The following RRAGC variants were observed in gnomAD, a reference collection of about 807,000 sequenced individuals.
RRAGC encodes ras-related GTP-binding protein C.
RRAGC carries 8 observed loss-of-function variants against 37.1 expected under a neutral mutation model. That is an observed-to-expected ratio of 0.22 (90% CI 0.13 to 0.39). The LOEUF is 0.39. Among genes scored for constraint, RRAGC ranks in the 10% least tolerant of loss-of-function variants. RRAGC has a pLI of 1.00. For missense variants in RRAGC, 342 were observed against 497.6 expected (o/e 0.69, Z 2.98); for synonymous variants, 190 against 181.1 (o/e 1.05, Z -0.39).
In RRAGC at chr1:38,838,539, G is replaced by C. The variant is rs1362922530; in HGVS notation, c.*1014C>G. On this transcript the variant is annotated 3_prime_UTR_variant, in exon 7 of 7. Transcript: ENST00000373001. ...ATTATGAATTCATATCCTAGGCAAAGAAAGTACCACAGTTGACACTTGGTG... is the reference window on the plus strand; with the variant it reads ...ATTATGAATTCATATCCTAGGCAAACAAAGTACCACAGTTGACACTTGGTG... 2 of 152,230 alleles carry C rather than the reference G, an allele frequency of 1.3e-5. No individual in the cohort carries two copies. The highest frequency in any genetic ancestry group is 2.1e-4 in the South Asian group (1 of 4,830). The allele number at this position is 152,230 out of a possible 1,614,324, so 9.4% of individuals were successfully genotyped here. A position where few individuals can be genotyped will look rare whatever the true frequency, so the allele number is the denominator to read the frequency against.
chr1:38,853,932 G>A (rs560673692), intron 3 of RRAGC, among the ~76,000 whole-genome samples: 167 of 152,126 alleles, frequency 1.1e-3, no homozygotes, highest in African/African-American at 3.4e-3. Context: ...AGAATGTCCC[G>A]CACCTTTGAG....
chr1:38,856,481 A>G (rs1360577110), intron 2 of RRAGC, among the ~76,000 whole-genome samples: 1 of 152,178 alleles, frequency 6.6e-6, no homozygotes, highest in East Asian at 1.9e-4. Context: ...AGCTAAACTC[A>G]ATTTTGACAA....
intron 6 of RRAGC, among the ~76,000 whole-genome samples, chr1:38,843,318 T>TAAAAAA (rs68183214): frequency 7.0e-6 from 1 of 143,792 alleles, no homozygotes. Flanking sequence ...TTCTGTCTCT[T>TAAAAAA]AAAAAAAAAA....
At position 38,845,849 on chromosome 1, in the gene RRAGC, A is replaced by G. The variant is rs553243699; in HGVS notation, c.1048+90T>C. The stretch of plus-strand genomic sequence containing the variant: ...TTTTTCTGATAGCTATTTGTCTAAC[A>G]CTGCAATTATTATTTTCACTTGTTT... On this transcript the variant is annotated intron_variant, in intron 6 of 6. Transcript: ENST00000373001. 2.7e-6 allele frequency: 3 copies of G among 1,101,494 alleles called. No homozygotes were observed. The East Asian group carries it at 7.6e-5, about 28-fold the overall frequency. The allele number at this position is 1,101,494 out of a possible 1,614,324, so 68.2% of individuals were successfully genotyped here. A position where few individuals can be genotyped will look rare whatever the true frequency, so the allele number is the denominator to read the frequency against.
At chr1:38,843,032 C>T (rs751009569) in intron 6 of RRAGC, among the ~76,000 whole-genome samples, 8 of 152,004 alleles carry the variant, frequency 5.3e-5, no homozygotes, top group Non-Finnish European at 1.0e-4. Context: ...GAGAAAAACA[C>T]ACAGAAGACT....
At chr1:38,850,148 G>A (rs1389196146) in intron 5 of RRAGC, among the ~76,000 whole-genome samples, 1 of 152,052 alleles carries the variant, frequency 6.6e-6, no homozygotes, top group Non-Finnish European at 1.5e-5. Context: ...GGAGATTGCA[G>A]TGAGCTGAGA....
intron 5 of RRAGC, chr1:38,847,461 C>CACACA (rs1476698365): frequency 6.6e-6 from 1 of 151,340 alleles, no homozygotes; most frequent in Admixed American, 6.6e-5. Flanking sequence ...CACACACACA[C>CACACA]AATTTTAAGG....
intron 3 of RRAGC, among the ~76,000 whole-genome samples, chr1:38,853,481 C>T (rs1397123068): frequency 6.6e-6 from 1 of 152,184 alleles, no homozygotes; most frequent in African/African-American, 2.4e-5. Context: ...CGCGATGGCT[C>T]ACGCCTGTAA....
At chr1:38,847,573 T>C (rs1049984473) in intron 5 of RRAGC, 6 of 152,024 alleles carry the variant, frequency 3.9e-5, no homozygotes, top group African/African-American at 1.2e-4. Flanking sequence ...TTTTTTTTCA[T>C]GAAGTGGGGG....
Position 38,855,703 on chromosome 1 carries a change from G to C in RRAGC, c.641+5C>G. 6.2e-7 allele frequency: 1 copy of C among 1,610,950 alleles called. No homozygotes were observed. The highest frequency in any genetic ancestry group is 8.5e-7 in the Non-Finnish European group (1 of 1,177,190). On this transcript the variant is annotated splice_donor_5th_base_variant and intron_variant, in intron 3 of 6. Coordinates refer to ENST00000373001, the MANE Select transcript of RRAGC (RefSeq NM_022157.4). Reference sequence around the variant, plus strand: ...GGCTTTCATATCAAACACACATGTTGTTACCTAAGATGGAGTTTTTCTAGC... The same window carrying C: ...GGCTTTCATATCAAACACACATGTTCTTACCTAAGATGGAGTTTTTCTAGC...
chr1:38,852,322 C>T, intron 4 of RRAGC, 52 bp downstream of exon 4: 1 of 1,008,798 alleles, frequency 9.9e-7, no homozygotes, highest in East Asian at 2.4e-5. Flanking sequence ...AAATATATTC[C>T]CAAAAATGGA....
Position 38,846,086 on chromosome 1 carries a change from A to T in RRAGC, c.901T>A (p.Leu301Ile), listed in dbSNP as rs145194143. ...GCACTTCCACTTCCATCTTCCTTTA[A>T]CCTATTTTAAAAGAAAGTACTATTC... ...VVIDVSCIYG[L>I]KEDGSGSAYD... Residue 301 changes from leucine (L) to isoleucine (I), a missense_variant and splice_region_variant, in exon 6 of 7, where the codon TTA becomes ATA. Coordinates refer to ENST00000373001, the MANE Select transcript of RRAGC (RefSeq NM_022157.4). 14 of 1,606,714 alleles carry T rather than the reference A, an allele frequency of 8.7e-6. No individual in the cohort carries two copies. The highest frequency in any genetic ancestry group is 1.1e-5 in the Non-Finnish European group (13 of 1,176,158).
At chr1:38,846,120 T>C (rs1234024236) in intron 5 of RRAGC, 33 bp from the exon 6 acceptor site, 1 of 1,565,570 alleles carries the variant, frequency 6.4e-7, no homozygotes. Flanking sequence ...TCATTACAGG[T>C]TTCCCATCTA....
At chr1:38,842,494 C>T (rs1343866176) in intron 6 of RRAGC, among the ~76,000 whole-genome samples, 1 of 152,110 alleles carries the variant, frequency 6.6e-6, no homozygotes, top group Non-Finnish European at 1.5e-5. Flanking sequence ...ACCAGATTGA[C>T]AATAATTAAA....
At chr1:38,840,690 C>T (rs903779483) in intron 6 of RRAGC, among the ~76,000 whole-genome samples, 10 of 151,990 alleles carry the variant, frequency 6.6e-5, no homozygotes, top group Non-Finnish European at 1.5e-4. Flanking sequence ...GGGACCTGGC[C>T]ATGAGAATAC....
intron 6 of RRAGC, among the ~76,000 whole-genome samples, chr1:38,844,704 G>A (rs1317804617): frequency 1.3e-5 from 2 of 152,098 alleles, no homozygotes; most frequent in Non-Finnish European, 2.9e-5. Flanking sequence ...CTACAGAATG[G>A]GAGAATATTT....
Position 38,839,657 on chromosome 1 carries a change from C to T in RRAGC, c.1096G>A (p.Val366Ile). The change falls in exon 7 of 7, where the codon GTT becomes ATT. Residue 366 changes from valine to isoleucine, a missense_variant. Coordinates refer to ENST00000373001, the MANE Select transcript of RRAGC (RefSeq NM_022157.4). Reference protein sequence around the residue: ...FHCFRKAIHEVFEVGVTSHRS... With the variant: ...FHCFRKAIHEIFEVGVTSHRS... ...TGAGAAGTCACACCCACCTCAAAAA[C>T]CTCATGAATAGCTTTTCGGAAACAG... 6.2e-7 allele frequency: 1 copy of T among 1,614,154 alleles called. No homozygotes were observed. Among genetic ancestry groups the T allele is most frequent in the Non-Finnish European group, 8.5e-7 (1 of 1,180,016 alleles).
intron 5 of RRAGC, chr1:38,847,222 T>G (rs1461705085): frequency 6.6e-6 from 1 of 152,222 alleles, no homozygotes; most frequent in African/African-American, 2.4e-5. Flanking sequence ...ATATTTTCCA[T>G]GCAGTTTTTA....
chr1:38,858,372 G>A (rs534871592), intron 1 of RRAGC, among the ~76,000 whole-genome samples: 13 of 152,276 alleles, frequency 8.5e-5, no homozygotes, highest in African/African-American at 3.1e-4. Context: ...TTTGGCTGAT[G>A]GAGGAAGTCA....
Sources: gnomAD v4.1 joint callset for allele counts (sites outside exome capture counted in the v4.1 genomes callset) on GRCh38, gnomAD v4.1.1 for gene constraint, MANE v1.5 for transcripts, NCBI Gene and HGNC (gene_info 2026-07-23, HGNC 2026-07-21) for gene names.